Variants in SAMMSON observed in about 807,000 individuals in gnomAD.
SAMMSON encodes long intergenic non-protein coding RNA 1212.
chr3:70,259,405 T>A (rs1405130243), intron 6 of SAMMSON, among the ~76,000 whole-genome samples: 1 of 151,606 alleles, frequency 6.6e-6, no homozygotes, highest in East Asian at 1.9e-4. Context: ...GAATAAAAAT[T>A]TATTGACTTT....
At chr3:70,365,437 T>C (rs930224217) in intron 9 of SAMMSON, among the ~76,000 whole-genome samples, 11 of 151,796 alleles carry the variant, frequency 7.2e-5, no homozygotes, top group Admixed American at 6.6e-4. Flanking sequence ...TCTGTACCTA[T>C]ATTAGACTCA....
chr3:70,217,813 G>C (rs544182853), intron 4 of SAMMSON, among the ~76,000 whole-genome samples: 26 of 152,228 alleles, frequency 1.7e-4, no homozygotes, highest in Admixed American at 1.1e-3. Context: ...AGCTAGTTCT[G>C]TCTCTGAGTT....
rs368504268 is a variant in SAMMSON at position 70,159,782 on chromosome 3, C to A, written n.507+88217C>A. Among the ~76,000 whole-genome samples, 250 of 152,172 alleles carry A rather than the reference C, an allele frequency of 1.6e-3. 3 individuals are homozygous for A. The highest frequency in any genetic ancestry group is 5.7e-3 in the African/African-American group (239 of 41,566). ...CCATGTTGGCCAGGATGGTCTCAAA[C>A]TCTTGACCTTGTGATCTTCCTGCCT... On this transcript the variant is annotated intron_variant and non_coding_transcript_variant, in intron 4 of 9. Transcript: ENST00000642114.
At chr3:70,255,371 T>C (rs1011081070) in intron 6 of SAMMSON, among the ~76,000 whole-genome samples, 10 of 152,160 alleles carry the variant, frequency 6.6e-5, no homozygotes, top group African/African-American at 2.4e-4. Context: ...GTTCTTGACA[T>C]TTGGTTCATA....
At chr3:70,317,783 A>G (rs1184964750) in intron 7 of SAMMSON, among the ~76,000 whole-genome samples, 2 of 151,826 alleles carry the variant, frequency 1.3e-5, no homozygotes, top group Non-Finnish European at 1.5e-5. Flanking sequence ...TTCATCTCAT[A>G]TCATTCCTCT....
At chr3:70,088,416 A>G (rs544176656) in intron 4 of SAMMSON, among the ~76,000 whole-genome samples, 33 of 152,324 alleles carry the variant, frequency 2.2e-4, no homozygotes, top group African/African-American at 7.0e-4. Flanking sequence ...GAAGAGGAGG[A>G]AGGCAGAAAT....
intron 4 of SAMMSON, among the ~76,000 whole-genome samples, chr3:70,178,621 G>A (rs1231848615): frequency 6.6e-6 from 1 of 152,210 alleles, no homozygotes; most frequent in Non-Finnish European, 1.5e-5. Context: ...AAATACCACT[G>A]CGGAGGCATT....
chr3:70,260,622 G>A (rs1701857273), intron 6 of SAMMSON, among the ~76,000 whole-genome samples: 1 of 151,862 alleles, frequency 6.6e-6, no homozygotes, highest in Non-Finnish European at 1.5e-5. Context: ...TTCCCTAGTG[G>A]CTGCATCACT....
At chr3:70,374,608 A>T (rs1306762037) in intron 9 of SAMMSON, among the ~76,000 whole-genome samples, 1 of 152,078 alleles carries the variant, frequency 6.6e-6, no homozygotes, top group African/African-American at 2.4e-5. Flanking sequence ...GTGTCTAGTT[A>T]CTGATCTCCA....
At chr3:70,291,931 A>C (rs1702243213) in intron 7 of SAMMSON, 1 of 152,124 alleles carries the variant, frequency 6.6e-6, no homozygotes, top group South Asian at 2.1e-4. Flanking sequence ...ATTGTAACCA[A>C]CGTTTTGCAG....
intron 4 of SAMMSON, among the ~76,000 whole-genome samples, chr3:70,187,668 C>A (rs1466992794): frequency 1.3e-5 from 2 of 151,738 alleles, no homozygotes; most frequent in African/African-American, 4.8e-5. Context: ...GATCTCCTGA[C>A]CTCGTGATCC....
chr3:70,412,648 T>C (rs559778274), intron 2 of SAMMSON, among the ~76,000 whole-genome samples: 24 of 152,310 alleles, frequency 1.6e-4, no homozygotes, highest in African/African-American at 5.0e-4. Flanking sequence ...TTCCTTTTCC[T>C]GCTTTGATGT....
chr3:70,253,135 T>C (rs1575607314), intron 6 of SAMMSON, among the ~76,000 whole-genome samples: 1 of 152,074 alleles, frequency 6.6e-6, no homozygotes, highest in East Asian at 1.9e-4. Flanking sequence ...GTATTTTGGA[T>C]TGTGATAAGT....
intron 4 of SAMMSON, among the ~76,000 whole-genome samples, chr3:70,240,274 A>G (rs566896995): frequency 6.6e-6 from 1 of 152,042 alleles, no homozygotes; most frequent in Non-Finnish European, 1.5e-5. Flanking sequence ...CTTTTCCTAT[A>G]TTATCTCATC....
chr3:70,211,239 C>G (rs1471748067), intron 4 of SAMMSON, among the ~76,000 whole-genome samples: 1 of 147,544 alleles, frequency 6.8e-6, no homozygotes, highest in Non-Finnish European at 1.5e-5. Context: ...TCCCTTTTTC[C>G]TTTTCCTTCC....
intron 3 of SAMMSON, among the ~76,000 whole-genome samples, chr3:70,033,435 T>C (rs1439758031): frequency 6.6e-6 from 1 of 151,970 alleles, no homozygotes; most frequent in Non-Finnish European, 1.5e-5. Context: ...CCAAGAACCA[T>C]GGGGTGTTTC....
intron 6 of SAMMSON, among the ~76,000 whole-genome samples, chr3:70,263,890 A>C (rs1701890737): frequency 6.6e-6 from 1 of 152,170 alleles, no homozygotes; most frequent in South Asian, 2.1e-4. Flanking sequence ...CGGGGTTCAC[A>C]GTCCTGCAAT....
rs547098680 is a variant in SAMMSON at position 70,171,317 on chromosome 3, C to A, written n.508-77790C>A. On this transcript the variant is annotated intron_variant and non_coding_transcript_variant, in intron 4 of 9. Transcript: ENST00000642114. ...TTTTTCATAAGTATAGAGAACTGAT[C>A]ACTAGTAAATCTGGGAGCACCTAAG... is the stretch of plus-strand genomic sequence containing the variant. Among the ~76,000 whole-genome samples, 7 of 151,836 alleles carry A rather than the reference C, an allele frequency of 4.6e-5. No individual in the cohort carries two copies. The East Asian group carries it at 1.4e-3, about 29-fold the overall frequency.
chr3:70,060,646 T>G (rs753170905), intron 3 of SAMMSON, among the ~76,000 whole-genome samples: 1 of 152,092 alleles, frequency 6.6e-6, no homozygotes, highest in African/African-American at 2.4e-5. Context: ...TGGGGGGAGA[T>G]GCTACTGGCA....
Sources: gnomAD v4.1 joint callset for allele counts (sites outside exome capture counted in the v4.1 genomes callset) on GRCh38, gnomAD v4.1.1 for gene constraint, MANE v1.5 for transcripts, NCBI Gene and HGNC (gene_info 2026-07-23, HGNC 2026-07-21) for gene names.